The following NCOR2 variants were observed in gnomAD, a reference collection of about 807,000 sequenced individuals.
NCOR2 encodes the protein CTG repeat protein 26.
A neutral mutation model predicts 262.9 loss-of-function variants in NCOR2; 81 were observed. The ratio of observed to expected loss-of-function variants is 0.31; its 90% confidence interval spans 0.26 to 0.37. NCOR2 has a LOEUF of 0.37. Ranked by LOEUF, NCOR2 falls within the 10% of genes least tolerant of loss-of-function variation. NCOR2 has a pLI of 1.00. For synonymous variants in NCOR2, 1,659 were observed against 1,559.3 expected, an observed-to-expected ratio of 1.06 and a Z score of -1.51; for missense variants, 3,385 against 3,621.4, an observed-to-expected ratio of 0.93 and a Z score of 1.68.
Position 124,340,407 on chromosome 12 carries a change from G to A in NCOR2, c.5375C>T (p.Ser1792Phe), listed in dbSNP as rs773108865. ...CCGGTCTCGCTCCCGCTCGGACGAGGACGTGGTGGTTGGTTTTGTCAAGTG... is the reference window on the plus strand; with the variant it reads ...CCGGTCTCGCTCCCGCTCGGACGAGAACGTGGTGGTTGGTTTTGTCAAGTG... Residue 1792 changes from serine (S) to phenylalanine (F), a missense_variant, in exon 36 of 47, where the codon TCC (serine) becomes TTC (phenylalanine). Physicochemically the swap from Ser to Phe is radical, Grantham distance 155. Coordinates refer to ENST00000405201, the Ensembl canonical transcript of NCOR2. 6.8e-6 allele frequency: 11 copies of A among 1,613,038 alleles called. No homozygotes were observed. The South Asian group carries it at 1.1e-4, about 16-fold the overall frequency.
chr12:124,368,523 CCA>C (rs2136003130), intron 20 of NCOR2, among the ~76,000 whole-genome samples: 1 of 152,332 alleles, frequency 6.6e-6, no homozygotes, highest in Non-Finnish European at 1.5e-5. Context: ...TGGGGCCTGC[CCA>C]CCTCTCTGAC....
At position 124,372,327 on chromosome 12, in the gene NCOR2, C is replaced by T. The variant is rs775478581; in HGVS notation, c.2502G>A (p.Ala834=). Reference sequence around the variant, plus strand: ...GCTCCTCCCCCTCCTCCACTGGGGGCGCTGCTGCGGTCTCCTCCTCCTTCT... The same window carrying T: ...GCTCCTCCCCCTCCTCCACTGGGGGTGCTGCTGCGGTCTCCTCCTCCTTCT... Residue 834 remains alanine, a synonymous_variant, in exon 20 of 47, where the codon GCG becomes GCA. Coordinates refer to ENST00000405201, the Ensembl canonical transcript of NCOR2. 8 of 1,524,238 alleles carry T rather than the reference C, an allele frequency of 5.2e-6. No individual in the cohort carries two copies. In the East Asian group the frequency reaches 6.8e-5, roughly 13 times the overall value. 94.4% of individuals were successfully genotyped at this position (1,524,238 alleles called of 1,614,324 possible). A position where few individuals can be genotyped will look rare whatever the true frequency, so the allele number is the denominator to read the frequency against.
At chr12:124,382,776 G>A (rs766849749) in intron 17 of NCOR2, among the ~76,000 whole-genome samples, 1 of 152,240 alleles carries the variant, frequency 6.6e-6, no homozygotes, top group Non-Finnish European at 1.5e-5. Flanking sequence ...AATGGACAGT[G>A]AGGATAATAC....
Position 124,357,809 on chromosome 12 carries a change from C to T in NCOR2, c.3101-1027G>A, listed in dbSNP as rs111231465. Among the ~76,000 whole-genome samples the T allele has an allele frequency of 5.5e-4, 82 of 149,828 alleles. 1 individual carries two copies. In the Middle Eastern group the frequency reaches 0.014, roughly 26 times the overall value. On this transcript the variant is annotated intron_variant, in intron 22 of 46. Transcript: ENST00000405201. ...AACCTGTGATGTGTGTGTGTGTGTGCGCGCACGCGCGTGCACGTGTATGTG... is the reference window on the plus strand; with the variant it reads ...AACCTGTGATGTGTGTGTGTGTGTGTGCGCACGCGCGTGCACGTGTATGTG...
rs1179820896 is a variant in NCOR2, at chr12:124,389,028, C to T, written c.1877-3141G>A. 2.0e-5 allele frequency among the ~76,000 whole-genome samples: 3 copies of T among 152,202 alleles called. No homozygotes were observed. Among genetic ancestry groups the T allele is most frequent in the African/African-American group, 7.2e-5 (3 of 41,452 alleles). On this transcript the variant is annotated intron_variant, in intron 16 of 46. Transcript: ENST00000405201. The surrounding 1 kb of genome is among the most constrained non-coding windows in gnomAD (Gnocchi z 4.4). ...GCCGCTGCCACCTCTGACGCCGTCCCCAAGCCGCTGTGGGCGCGCGAGGTG... is the reference window on the plus strand; with the variant it reads ...GCCGCTGCCACCTCTGACGCCGTCCTCAAGCCGCTGTGGGCGCGCGAGGTG...
chr12:124,515,657 GAGTGTGCA>G (rs1395215508), intron 1 of NCOR2, among the ~76,000 whole-genome samples: 1 of 27,628 alleles, frequency 3.6e-5, no homozygotes, highest in Non-Finnish European at 1.6e-4. Context: ...ATATGAGTGT[GAGTGTGCA>G]TGTGAGTGTG....
chr12:124,519,089 TACACACACACACACACAC>T (rs57438929), intron 1 of NCOR2, among the ~76,000 whole-genome samples: 13 of 97,268 alleles, frequency 1.3e-4, no homozygotes, highest in African/African-American at 4.5e-4. Context: ...GGCCAAATAA[TACACACACACACACACAC>T]ACACACACAC....
chr12:124,361,240 C>G (rs951630787), intron 22 of NCOR2, among the ~76,000 whole-genome samples: 52 of 152,192 alleles, frequency 3.4e-4, no homozygotes, highest in Admixed American at 7.8e-4. Flanking sequence ...GTCAGGAGGT[C>G]GGCCTGGTGT....
Position 124,481,710 on chromosome 12 carries a change from C to T in NCOR2, c.411+1886G>A, listed in dbSNP as rs2047501212. 6.6e-6 allele frequency among the ~76,000 whole-genome samples: 1 copy of T among 152,094 alleles called. No homozygotes were observed. The highest frequency in any genetic ancestry group is 1.5e-5 in the Non-Finnish European group (1 of 67,998). On this transcript the variant is annotated intron_variant, in intron 3 of 46. Transcript: ENST00000405201. This position sits in a 1 kb window ranked among gnomAD's most constrained non-coding sequence, Gnocchi z 4.6. ...GGTGACGGGGCTGGATCACGCCGGACCTGCAGCCCATGGCAAGGATTTTGG... is the reference window on the plus strand; with the variant it reads ...GGTGACGGGGCTGGATCACGCCGGATCTGCAGCCCATGGCAAGGATTTTGG...
intron 3 of NCOR2, among the ~76,000 whole-genome samples, chr12:124,479,499 G>A (rs187042819): frequency 6.4e-4 from 96 of 149,836 alleles, no homozygotes; most frequent in African/African-American, 1.6e-3. Context: ...AGGCACATGC[G>A]CGCATACACA....
intron 16 of NCOR2, among the ~76,000 whole-genome samples, chr12:124,394,311 A>G (rs2041516890): frequency 6.6e-6 from 1 of 152,234 alleles, no homozygotes; most frequent in African/African-American, 2.4e-5. Flanking sequence ...GGCCAGGCCA[A>G]GGTCAGGGGG....
chr12:124,352,842 T>A (rs1051674600), intron 27 of NCOR2, among the ~76,000 whole-genome samples: 1 of 152,212 alleles, frequency 6.6e-6, no homozygotes, highest in African/African-American at 2.4e-5. Flanking sequence ...TGTAGCCTCT[T>A]GCTCTTGGCC....
rs2042927196 is a variant in NCOR2 at position 124,417,095 on chromosome 12, C to CGGAGAGCAGGCCAGACAGTCACTCCAT, written c.1482+2861_1482+2862insATGGAGTGACTGTCTGGCCTGCTCTCC. On this transcript the variant is annotated intron_variant, in intron 13 of 46. Coordinates refer to ENST00000405201, the Ensembl canonical transcript of NCOR2. ...GAGAGCAGGCCGGACAGTCACTCCA[C>CGGAGAGCAGGCCAGACAGTCACTCCAT]GGAGAGCAGGCCGGACAGTCACTCC... Among the ~76,000 whole-genome samples the CGGAGAGCAGGCCAGACAGTCACTCCAT allele has an allele frequency of 2.6e-5, 3 of 115,266 alleles. 1 individual carries two copies. The highest frequency in any genetic ancestry group is 2.9e-4 in the East Asian group (1 of 3,442). The allele number at this position is 115,266 out of a possible 152,430, so 75.6% of individuals were successfully genotyped here.
At chr12:124,499,294 C>T (rs893455626), upstream of NCOR2, among the ~76,000 whole-genome samples, 4 of 152,232 alleles carry the variant, frequency 2.6e-5, no homozygotes, top group East Asian at 1.9e-4. Flanking sequence ...GTCGCCGCTG[C>T]GTCTGGCTGC....
At chr12:124,413,170 C>T (rs1337180718) in intron 13 of NCOR2, among the ~76,000 whole-genome samples, 1 of 145,150 alleles carries the variant, frequency 6.9e-6, no homozygotes, top group Non-Finnish European at 1.6e-5. Context: ...GGGCCATGCA[C>T]CCCCCAACTC....
intron 6 of NCOR2, among the ~76,000 whole-genome samples, chr12:124,451,757 G>A (rs1018291695): frequency 7.2e-5 from 11 of 152,160 alleles, no homozygotes; most frequent in African/African-American, 2.7e-4. Context: ...GGGCTGCAGC[G>A]ACAGAAGGGA....
Position 124,343,237 on chromosome 12 carries a change from G to A in NCOR2, c.4715-11C>T. 1 of 1,606,108 alleles carries A rather than the reference G, an allele frequency of 6.2e-7. No homozygotes were observed. Among genetic ancestry groups the A allele is most frequent in the Non-Finnish European group, 8.5e-7 (1 of 1,175,622 alleles). On this transcript the variant is annotated splice_polypyrimidine_tract_variant and intron_variant, in intron 32 of 46. Coordinates refer to ENST00000405201, the Ensembl canonical transcript of NCOR2. ...TGGACGAAAGGCTGCCTGTGGACGGGCAAGGTGGATGCATCGGGCCTCTGG... is the reference window on the plus strand; with the variant it reads ...TGGACGAAAGGCTGCCTGTGGACGGACAAGGTGGATGCATCGGGCCTCTGG...
rs548809517 is a variant in NCOR2 at position 124,392,351 on chromosome 12, C to G, written c.1876+5768G>C. Reference sequence around the variant, plus strand: ...TCCAAACCATCACAACAGACTGTTTCTCACATATCCGGCCGGGAGGCCAAC... The same window carrying G: ...TCCAAACCATCACAACAGACTGTTTGTCACATATCCGGCCGGGAGGCCAAC... On this transcript the variant is annotated intron_variant, in intron 16 of 46. Coordinates refer to ENST00000405201, the Ensembl canonical transcript of NCOR2. Among the ~76,000 whole-genome samples, 42 of 152,330 alleles carry G rather than the reference C, an allele frequency of 2.8e-4. No homozygotes were observed. The South Asian group carries it at 7.4e-3, about 27-fold the overall frequency.
chr12:124,400,429 A>T, intron 15 of NCOR2, 72 bp downstream of exon 17: 3 of 1,563,996 alleles, frequency 1.9e-6, no homozygotes, highest in East Asian at 2.3e-5. Flanking sequence ...AAATTGCACG[A>T]AACTTTCATA....
Sources: gnomAD v4.1 joint callset for allele counts (sites outside exome capture counted in the v4.1 genomes callset) on GRCh38, gnomAD v4.1.1 for gene constraint, Gnocchi (gnomAD v3.1) non-coding constraint, MANE v1.5 for transcripts, NCBI Gene and HGNC (gene_info 2026-07-23, HGNC 2026-07-21) for gene names.